Variants in FCSK observed in about 807,000 individuals in gnomAD.
FCSK encodes the protein L-fucose kinase.
A neutral mutation model predicts 122.5 loss-of-function variants in FCSK; 123 were observed. That is an observed-to-expected ratio of 1.00 (90% CI 0.87 to 1.17). The LOEUF is 1.17. Among genes scored for constraint, FCSK ranks in the 50% most tolerant of loss-of-function variants. FCSK has a pLI of 0.00. For missense variants in FCSK, 1,366 were observed against 1,450.4 expected (o/e 0.94, Z 0.95); for synonymous variants, 620 against 625.5 (o/e 0.99, Z 0.13).
At chr16:70,457,401 C>T (rs138054514) in intron 1 of FCSK, among the ~76,000 whole-genome samples, 1,924 of 152,038 alleles carry the variant, frequency 0.013, 122 homozygotes, top group Admixed American at 0.11. Context: ...ACTACAAGCG[C>T]GCATCACTAC....
intron 10 of FCSK, 33 bp from the exon 11 acceptor site, chr16:70,470,281 A>T (rs751651755): frequency 6.8e-7 from 1 of 1,473,192 alleles, no homozygotes; most frequent in Non-Finnish European, 9.4e-7. Context: ...CGCAGCAGGC[A>T]TGGGGTTGGG....
intron 23 of FCSK, 48 bp from the exon 24 acceptor site, chr16:70,479,520 AGCCTCCAGAAG>A: frequency 6.5e-7 from 1 of 1,533,898 alleles, no homozygotes; most frequent in Non-Finnish European, 8.9e-7. Flanking sequence ...GGCCCAGTCC[AGCCTCCAGAAG>A]GCCTGAGATT....
intron 1 of FCSK, among the ~76,000 whole-genome samples, chr16:70,455,684 G>C (rs2048072893): frequency 6.6e-6 from 1 of 152,050 alleles, no homozygotes; most frequent in Non-Finnish European, 1.5e-5. Context: ...CTATGGTCAG[G>C]AGTTTGAGAC....
intron 4 of FCSK, 99 bp from the exon 5 acceptor site, chr16:70,466,033 T>G: frequency 1.6e-6 from 2 of 1,252,478 alleles, no homozygotes; most frequent in East Asian, 4.7e-5. Context: ...AGAACATTTT[T>G]TATCAGCCCT....
At chr16:70,463,050 A>G (rs2048316610) in intron 1 of FCSK, 119 bp from the exon 2 acceptor site, 2 of 596,936 alleles carry the variant, frequency 3.4e-6, no homozygotes, top group Admixed American at 2.9e-5. Context: ...TTGAGTGTAG[A>G]TGGTGATACC....
intron 14 of FCSK, among the ~76,000 whole-genome samples, 177 bp from the exon 15 acceptor site, chr16:70,472,806 C>T (rs1034259277): frequency 2.0e-5 from 3 of 152,144 alleles, no homozygotes; most frequent in East Asian, 1.9e-4. Flanking sequence ...CTTTGGCTTT[C>T]TTGTTCAATG....
intron 10 of FCSK, 74 bp downstream of exon 10, chr16:70,469,397 T>A: frequency 7.0e-7 from 1 of 1,429,730 alleles, no homozygotes. Context: ...AGCTGCTCAC[T>A]GCATGCTGGG....
At chr16:70,456,779 G>T (rs1370099354) in intron 1 of FCSK, among the ~76,000 whole-genome samples, 1 of 152,184 alleles carries the variant, frequency 6.6e-6, no homozygotes, top group African/African-American at 2.4e-5. Context: ...CCAGCACTTT[G>T]GGAGGCCGAG....
Position 70,468,897 on chromosome 16 carries a change from G to C in FCSK, c.712G>C (p.Ala238Pro), listed in dbSNP as rs1446338379. 1 of 1,614,022 alleles carries C rather than the reference G, an allele frequency of 6.2e-7. No individual in the cohort carries two copies. Among genetic ancestry groups the C allele is most frequent in the East Asian group, 2.2e-5 (1 of 44,874 alleles). ...FSVETAERLL[A>P]THVSPPLDAC... ...TGTGGAGACTGCCGAGCGCCTCCTA[G>C]CCACCCACGTGAGCCCGCCCCTGGA... Residue 238 changes from alanine to proline, a missense_variant, in exon 9 of 24, where the codon GCC (alanine) becomes CCC (proline). By Grantham distance (27) the Ala-to-Pro change is conservative (BLOSUM62 -1). Coordinates refer to ENST00000288078, the MANE Select transcript of FCSK (RefSeq NM_145059.3).
At chr16:70,461,481 G>A (rs1470980629) in intron 1 of FCSK, among the ~76,000 whole-genome samples, 1 of 152,130 alleles carries the variant, frequency 6.6e-6, no homozygotes, top group East Asian at 1.9e-4. Context: ...TGGGGGTGAA[G>A]CCAAATCTTT....
At chr16:70,478,045 A>G (rs1339385919) in intron 20 of FCSK, 2 of 571,190 alleles carry the variant, frequency 3.5e-6, no homozygotes, top group East Asian at 2.9e-5. Context: ...ATTAGGTCTA[A>G]AACAAAACTC....
chr16:70,478,656 G>A lies in FCSK; in HGVS notation c.2929+6G>A. ...TGCTGAAGGCTTCCGCCAAGGTGAG[G>A]GGCTTCCTCTGGGGGGGTCAGGGCA... On this transcript the variant is annotated splice_donor_region_variant and intron_variant, in intron 22 of 23. Coordinates refer to ENST00000288078, the MANE Select transcript of FCSK (RefSeq NM_145059.3). 6.2e-7 allele frequency: 1 copy of A among 1,612,392 alleles called. No homozygotes were observed. Among genetic ancestry groups the A allele is most frequent in the Non-Finnish European group, 8.5e-7 (1 of 1,179,344 alleles).
In FCSK at chr16:70,478,323, G is replaced by A. The variant is rs770983236; in HGVS notation, c.2693G>A (p.Gly898Glu). The A allele has an allele frequency of 8.1e-6, 13 of 1,614,194 alleles. No individual in the cohort carries two copies. The East Asian group carries it at 2.7e-4, about 33-fold the overall frequency. ...VGGLMPGIKV[G>E]RSRAQLPLKV... ...GGCCTAATGCCTGGCATCAAGGTGG[G>A]GCGCTCCCGGGCTCAGCTGCCACTG... is the stretch of plus-strand genomic sequence containing the variant. Residue 898 changes from glycine (G) to glutamate (E), a missense_variant, in exon 21 of 24, where the codon GGG becomes GAG. Transcript: ENST00000288078.
chr16:70,478,576 G>A lies in FCSK; in HGVS notation c.2855G>A (p.Arg952Gln), dbSNP rs777607374. 18 of 1,613,742 alleles carry A rather than the reference G, an allele frequency of 1.1e-5. No individual in the cohort carries two copies. Among genetic ancestry groups the A allele is most frequent in the African/African-American group, 5.3e-5 (4 of 75,052 alleles). ...GATGTGCTGAGGAGCTGGTATGCCCGACTTCCTGCTGTGGTGCAGAATGCC... is the reference window on the plus strand; with the variant it reads ...GATGTGCTGAGGAGCTGGTATGCCCAACTTCCTGCTGTGGTGCAGAATGCC... Reference protein sequence around the residue: ...LQDVLRSWYARLPAVVQNAHS... With the variant: ...LQDVLRSWYAQLPAVVQNAHS... Residue 952 changes from arginine to glutamine, a missense_variant, in exon 22 of 24, where the codon CGA (arginine) becomes CAA (glutamine). By Grantham distance (43) the Arg-to-Gln change is conservative (BLOSUM62 1). Coordinates refer to ENST00000288078, the MANE Select transcript of FCSK (RefSeq NM_145059.3).
In FCSK at chr16:70,473,322, C is replaced by A; in HGVS notation, c.1746C>A (p.Cys582Ter). ...TCTGGGCTGCTGTCCGCGAGGGCTG[C>A]CCCGGGCCCCTGCTGGCCACGCTGG... ...PLIWAAVREG[C>*]PGPLLATLDQ... The change falls in exon 15 of 24, where the codon TGC (cysteine) becomes TGA (stop). Residue 582 changes from cysteine (C) to a stop codon, truncating the protein, a stop_gained. Transcript: ENST00000288078. LOFTEE classifies it high-confidence loss of function. This position sits in a 1 kb window ranked among gnomAD's most constrained non-coding sequence, Gnocchi z 4.9. 6.6e-7 allele frequency: 1 copy of A among 1,513,844 alleles called. No individual in the cohort carries two copies. Among genetic ancestry groups the A allele is most frequent in the Non-Finnish European group, 8.9e-7 (1 of 1,128,240 alleles). 93.8% of individuals were successfully genotyped at this position (1,513,844 alleles called of 1,614,324 possible).
rs1189510977 is a variant in FCSK at position 70,469,182 on chromosome 16, A to T, written c.814A>T (p.Met272Leu). 1 of 1,614,104 alleles carries T rather than the reference A, an allele frequency of 6.2e-7. No individual in the cohort carries two copies. The highest frequency in any genetic ancestry group is 1.7e-5 in the Admixed American group (1 of 60,028). The change falls in exon 10 of 24, where the codon ATG becomes TTG. Residue 272 changes from methionine to leucine, a missense_variant. Transcript: ENST00000288078. ...TCTGTTTTTTGACATTCTCCACTGCATGGCTGAGAACGTGACCAGGGAGGA... is the reference window on the plus strand; with the variant it reads ...TCTGTTTTTTGACATTCTCCACTGCTTGGCTGAGAACGTGACCAGGGAGGA... ...LSLFFDILHC[M>L]AENVTREDFL... is the part of the protein sequence containing the mutation.
chr16:70,460,553 TG>T (rs1479775637), intron 1 of FCSK, among the ~76,000 whole-genome samples: 2 of 151,648 alleles, frequency 1.3e-5, no homozygotes, highest in Non-Finnish European at 2.9e-5. Context: ...TACAGGCACG[TG>T]CCACCACATC....
chr16:70,468,056 C>T, intron 8 of FCSK, 90 bp downstream of exon 8: 2 of 951,716 alleles, frequency 2.1e-6, no homozygotes, highest in Non-Finnish European at 3.4e-6. Flanking sequence ...TTCTAGAAGC[C>T]TCCAGGACAA....
rs2048473870 is a variant in FCSK, at chr16:70,467,912, G to A, written c.609G>A (p.Gln203=). The change falls in exon 8 of 24, where the codon CAG becomes CAA. Residue 203 remains glutamine (Q), a synonymous_variant. Coordinates refer to ENST00000288078, the MANE Select transcript of FCSK (RefSeq NM_145059.3). ...PQGLVLDIYY[Q]GTEAEIQRCV... ...GCCTTGTTTTGGACATTTACTACCAGGGCACTGAGGCAGAGATTCAGCGGT... is the reference window on the plus strand; with the variant it reads ...GCCTTGTTTTGGACATTTACTACCAAGGCACTGAGGCAGAGATTCAGCGGT... 1.9e-6 allele frequency: 3 copies of A among 1,614,052 alleles called. No homozygotes were observed. Among genetic ancestry groups the A allele is most frequent in the Non-Finnish European group, 2.5e-6 (3 of 1,180,030 alleles).
Sources: gnomAD v4.1 joint callset for allele counts (sites outside exome capture counted in the v4.1 genomes callset) on GRCh38, gnomAD v4.1.1 for gene constraint, Gnocchi (gnomAD v3.1) non-coding constraint, MANE v1.5 for transcripts, NCBI Gene and HGNC (gene_info 2026-07-23, HGNC 2026-07-21) for gene names.